Variants in GALNTL6 observed in about 807,000 individuals in gnomAD.
GALNTL6 encodes the protein polypeptide N-acetylgalactosaminyltransferase-like 6.
GALNTL6 carries 46 observed loss-of-function variants against 73.7 expected under a neutral mutation model. That is an observed-to-expected ratio of 0.62 (90% confidence interval 0.49 to 0.80). GALNTL6 has a LOEUF of 0.80. Ranked by LOEUF, GALNTL6 falls within the 30% of genes least tolerant of loss-of-function variation. The probability of loss-of-function intolerance (pLI) is 0.00; values close to 1 mark genes in which losing one functional copy is unlikely to be tolerated. For missense variants in GALNTL6, 604 were observed against 755.0 expected (o/e 0.80, Z 2.34); for synonymous variants, 259 against 263.7 (o/e 0.98, Z 0.17).
intron 5 of GALNTL6, among the ~76,000 whole-genome samples, chr4:172,608,317 G>T (rs1738386171): frequency 6.6e-6 from 1 of 152,100 alleles, no homozygotes; most frequent in Admixed American, 6.6e-5. Context: ...TATGGTAAAA[G>T]AAAAGGGTCA....
At chr4:172,249,133 G>T (rs1280755281) in intron 3 of GALNTL6, among the ~76,000 whole-genome samples, 2 of 152,206 alleles carry the variant, frequency 1.3e-5, no homozygotes, top group Non-Finnish European at 2.9e-5. Context: ...GAAGCTTGTT[G>T]AATGGCTTTG....
At chr4:171,989,119 C>A (rs1740237483) in intron 2 of GALNTL6, among the ~76,000 whole-genome samples, 2 of 152,050 alleles carry the variant, frequency 1.3e-5, no homozygotes, top group African/African-American at 4.8e-5. Flanking sequence ...CCGTCAATAG[C>A]ACAACAGTTA....
rs374762409 is a variant in GALNTL6 at position 172,809,443 on chromosome 4, C to T, written c.636C>T (p.Leu212=). 3.1e-5 allele frequency: 50 copies of T among 1,613,752 alleles called. No homozygotes were observed. The highest frequency in any genetic ancestry group is 4.2e-5 in the Non-Finnish European group (50 of 1,179,834). The part of the protein sequence containing the change: ...RIVRTKKREG[L]IRTRLLGASM... ...TTCGCACCAAGAAAAGAGAAGGACT[C>T]ATCCGGACCCGTCTCCTGGGGGCAT... Residue 212 remains leucine, a synonymous_variant, in exon 6 of 13, where the codon CTC becomes CTT. Coordinates refer to ENST00000506823, the MANE Select transcript of GALNTL6 (RefSeq NM_001034845.3). The surrounding 1 kb of genome is among the most constrained non-coding windows in gnomAD (Gnocchi z 4.4).
chr4:171,950,446 A>G (rs994502450), intron 2 of GALNTL6, among the ~76,000 whole-genome samples: 2 of 151,770 alleles, frequency 1.3e-5, no homozygotes, highest in African/African-American at 4.8e-5. Flanking sequence ...TACTGGACAC[A>G]GATAGGTGGG....
intron 10 of GALNTL6, among the ~76,000 whole-genome samples, chr4:172,997,335 T>A (rs1023834087): frequency 2.0e-5 from 3 of 152,150 alleles, no homozygotes; most frequent in African/African-American, 7.2e-5. Flanking sequence ...TGTCTGCTGG[T>A]TGGATAGTAC....
chr4:172,701,456 C>T (rs763897720), intron 5 of GALNTL6, among the ~76,000 whole-genome samples: 6 of 152,048 alleles, frequency 3.9e-5, no homozygotes, highest in Non-Finnish European at 5.9e-5. Context: ...AGCTGGGACT[C>T]TGATTAATAG....
At chr4:172,743,161 G>A (rs529031134) in intron 5 of GALNTL6, among the ~76,000 whole-genome samples, 7 of 152,102 alleles carry the variant, frequency 4.6e-5, no homozygotes, top group African/African-American at 1.7e-4. Context: ...ATGGAGGCTT[G>A]CCAGGAGTTC....
At chr4:172,087,452 AAAAAAACAAAAAAAACAAAAAAAAC>A (rs1732079512) in intron 2 of GALNTL6, among the ~76,000 whole-genome samples, 2 of 144,168 alleles carry the variant, frequency 1.4e-5, no homozygotes, top group African/African-American at 5.5e-5. Context: ...CCCAAAAAAA[AAAAAAACAAAAAAAACAAAAAAAAC>A]AAAATAGAGC....
intron 2 of GALNTL6, among the ~76,000 whole-genome samples, chr4:172,065,315 C>T (rs937203499): frequency 6.6e-6 from 1 of 152,118 alleles, no homozygotes; most frequent in African/African-American, 2.4e-5. Context: ...CACCACTGAT[C>T]TGAAAGGAGG....
chr4:172,821,504 G>A (rs1741925977), intron 7 of GALNTL6, among the ~76,000 whole-genome samples: 1 of 152,170 alleles, frequency 6.6e-6, no homozygotes, highest in Non-Finnish European at 1.5e-5. Context: ...GAAACAGATT[G>A]CCTTGCTCCC....
chr4:171,987,243 C>G (rs915265121), intron 2 of GALNTL6, among the ~76,000 whole-genome samples: 2 of 152,108 alleles, frequency 1.3e-5, no homozygotes, highest in African/African-American at 2.4e-5. Flanking sequence ...TTTTAAAAGA[C>G]CTTTTAGTCC....
chr4:172,184,378 G>A (rs1201732104), intron 2 of GALNTL6, among the ~76,000 whole-genome samples: 1 of 152,166 alleles, frequency 6.6e-6, no homozygotes, highest in African/African-American at 2.4e-5. Flanking sequence ...CATGCCCTCT[G>A]ATGTATTGTG....
At chr4:171,911,589 G>A (rs1315635210) in intron 2 of GALNTL6, among the ~76,000 whole-genome samples, 4 of 152,196 alleles carry the variant, frequency 2.6e-5, no homozygotes, top group East Asian at 1.9e-4. Flanking sequence ...TCTGATATAC[G>A]TGTGCTGATT....
chr4:172,432,600 A>T (rs954979084), intron 5 of GALNTL6, among the ~76,000 whole-genome samples: 4 of 152,068 alleles, frequency 2.6e-5, no homozygotes, highest in African/African-American at 9.7e-5. Flanking sequence ...AAGTGATGAA[A>T]TATCTAAAAC....
At chr4:172,778,773 T>A (rs1739211850) in intron 5 of GALNTL6, among the ~76,000 whole-genome samples, 1 of 152,218 alleles carries the variant, frequency 6.6e-6, no homozygotes, top group Admixed American at 6.5e-5. Flanking sequence ...GTTCCAGTTA[T>A]GTTGCTAGCT....
intron 10 of GALNTL6, among the ~76,000 whole-genome samples, chr4:172,991,003 G>A (rs1751515552): frequency 6.6e-6 from 1 of 152,132 alleles, no homozygotes; most frequent in African/African-American, 2.4e-5. Context: ...TTCTTAAAAA[G>A]TTAATGAAGC....
intron 2 of GALNTL6, among the ~76,000 whole-genome samples, chr4:172,184,414 G>A (rs1010388825): frequency 2.0e-5 from 3 of 152,122 alleles, no homozygotes; most frequent in Non-Finnish European, 4.4e-5. Context: ...GAATTCTTTT[G>A]TCTCTGAACC....
At chr4:172,877,728 T>C (rs1219477914) in intron 7 of GALNTL6, among the ~76,000 whole-genome samples, 1 of 151,690 alleles carries the variant, frequency 6.6e-6, no homozygotes, top group Non-Finnish European at 1.5e-5. Context: ...CTATGGCCTG[T>C]AGAAAAAAAA....
At chr4:172,055,951 A>G (rs1446245159) in intron 2 of GALNTL6, among the ~76,000 whole-genome samples, 1 of 152,176 alleles carries the variant, frequency 6.6e-6, no homozygotes, top group Non-Finnish European at 1.5e-5. Flanking sequence ...TCAGTTTATG[A>G]TGATGAAATA....
Sources: gnomAD v4.1 joint callset for allele counts (sites outside exome capture counted in the v4.1 genomes callset) on GRCh38, gnomAD v4.1.1 for gene constraint, Gnocchi (gnomAD v3.1) non-coding constraint, MANE v1.5 for transcripts, NCBI Gene and HGNC (gene_info 2026-07-23, HGNC 2026-07-21) for gene names.